The following CILK1 variants were observed in gnomAD, a reference collection of about 807,000 sequenced individuals.
CILK1 encodes ciliogenesis associated kinase 1, also known as serine/threonine-protein kinase ICK.
CILK1 carries 47 observed loss-of-function variants against 79.2 expected under a neutral mutation model. That is an observed-to-expected ratio of 0.59 (90% CI 0.47 to 0.76). The LOEUF is 0.76. CILK1 is among the 30% of genes least tolerant of loss of function. CILK1 has a pLI of 0.00. For missense variants in CILK1, 660 were observed against 769.5 expected (o/e 0.86, Z 1.68); for synonymous variants, 266 against 275.9 (o/e 0.96, Z 0.36).
Position 53,011,777 on chromosome 6 carries a change from T to C in CILK1, c.1484A>G (p.Tyr495Cys), listed in dbSNP as rs1428486053. The C allele has an allele frequency of 6.2e-7, 1 of 1,614,018 alleles. No homozygotes were observed. Among genetic ancestry groups the C allele is most frequent in the Admixed American group, 1.7e-5 (1 of 60,016 alleles). The change falls in exon 11 of 14, where the codon TAC becomes TGC. Residue 495 changes from tyrosine (Y) to cysteine (C), a missense_variant. Tyr to Cys is a radical substitution (Grantham distance 194). Transcript: ENST00000676107. ...AKQHYLKHSR[Y>C]LPGISIRNGI... ...CAAGTCATTTATATTACCAGGCAAGTATCGAGAGTGCTTCAAATAGTGCTG... is the reference window on the plus strand; with the variant it reads ...CAAGTCATTTATATTACCAGGCAAGCATCGAGAGTGCTTCAAATAGTGCTG...
At chr6:53,038,571 C>A (rs1341634321) in intron 2 of CILK1, among the ~76,000 whole-genome samples, 1 of 152,188 alleles carries the variant, frequency 6.6e-6, no homozygotes, top group Non-Finnish European at 1.5e-5. Context: ...TTCTGTACAG[C>A]CCACGAGCTA....
Position 53,004,943 on chromosome 6 carries a change from T to C in CILK1, c.*206A>G. The C allele has an allele frequency of 2.0e-6, 1 of 512,578 alleles. No homozygotes were observed. The highest frequency in any genetic ancestry group is 3.0e-5 in the South Asian group (1 of 33,524). The allele number at this position is 512,578 out of a possible 1,614,324, so 31.8% of individuals were successfully genotyped here. A position where few individuals can be genotyped will look rare whatever the true frequency, so the allele number is the denominator to read the frequency against. ...GACCCAGTTTTAGAATAAAATAATT[T>C]TATACAAAAAAGCCTACTGCATTCA... On this transcript the variant is annotated 3_prime_UTR_variant, in exon 14 of 14. Transcript: ENST00000676107.
chr6:53,037,448 C>T (rs547746032), intron 3 of CILK1, among the ~76,000 whole-genome samples: 32 of 152,206 alleles, frequency 2.1e-4, no homozygotes, highest in Admixed American at 1.2e-3. Flanking sequence ...CCTTTCTACC[C>T]GCTTCTGCCT....
At chr6:53,027,572 A>G (rs1031681775) in intron 5 of CILK1, among the ~76,000 whole-genome samples, 1 of 152,250 alleles carries the variant, frequency 6.6e-6, no homozygotes, top group Non-Finnish European at 1.5e-5. Context: ...CCTGAAATTT[A>G]CATGACTAAT....
In CILK1 at chr6:53,010,798, A is replaced by G. The variant is rs1266494031; in HGVS notation, c.1492+971T>C. Among the ~76,000 whole-genome samples the G allele has an allele frequency of 3.3e-5, 5 of 152,190 alleles. No individual in the cohort carries two copies. In the South Asian group the frequency reaches 1.0e-3, roughly 32 times the overall value. On this transcript the variant is annotated intron_variant, in intron 11 of 13. Transcript: ENST00000676107. ...TACAATCTGTGATTACTATTTGTCT[A>G]TTTGTTAAAGTCTCTCTCCCACCAC... is the stretch of plus-strand genomic sequence containing the variant.
At chr6:53,006,626 G>A (rs1451048297) in intron 12 of CILK1, among the ~76,000 whole-genome samples, 189 bp from the exon 13 acceptor site, 1 of 152,210 alleles carries the variant, frequency 6.6e-6, no homozygotes, top group African/African-American at 2.4e-5. Context: ...GACTGCGGGG[G>A]CCAAAGACAG....
intron 4 of CILK1, 73 bp from the exon 5 acceptor site, chr6:53,031,217 C>T (rs1458153879): frequency 1.1e-6 from 1 of 939,146 alleles, no homozygotes; most frequent in Non-Finnish European, 1.7e-6. Context: ...TAAAGAATAC[C>T]ATTTGTCCAT....
chr6:53,047,019 C>T (rs973873375), intron 1 of CILK1, among the ~76,000 whole-genome samples: 6 of 152,198 alleles, frequency 3.9e-5, no homozygotes, highest in Admixed American at 3.9e-4. Flanking sequence ...AGAGGGCAGG[C>T]ACAGCCTAAT....
Position 53,016,248 on chromosome 6 carries a change from A to T in CILK1, c.666T>A (p.Thr222=), listed in dbSNP as rs139739780. The change falls in exon 8 of 14, where the codon ACT becomes ACA. Residue 222 remains threonine (T), a splice_region_variant and synonymous_variant. Transcript: ENST00000676107. ...ICQVLGTPKK[T]DWPEGYQLSS... is the part of the protein sequence containing the mutation. ...AAAGTTGATAGCCTTCAGGCCAGTC[A>T]GTCTGAAAGAAGGAAAAGATAGAAA... The T allele has an allele frequency of 2.5e-6, 4 of 1,614,054 alleles. No homozygotes were observed. In the East Asian group the frequency reaches 8.9e-5, roughly 36 times the overall value.
At position 53,038,858 on chromosome 6, in the gene CILK1, A is replaced by G. The variant is rs553098778; in HGVS notation, c.102-865T>C. 4.7e-4 allele frequency among the ~76,000 whole-genome samples: 72 copies of G among 152,336 alleles called. 1 individual carries two copies. In the Middle Eastern group the frequency reaches 0.017, roughly 36 times the overall value. Reference sequence around the variant, plus strand: ...TGCCAACCCCTGGTCTAGAGCCTCAATGGAGAAAAGAAAACTCCAGAGTTA... The same window carrying G: ...TGCCAACCCCTGGTCTAGAGCCTCAGTGGAGAAAAGAAAACTCCAGAGTTA... On this transcript the variant is annotated intron_variant, in intron 2 of 13. Coordinates refer to ENST00000676107, the MANE Select transcript of CILK1 (RefSeq NM_014920.5).
intron 11 of CILK1, among the ~76,000 whole-genome samples, chr6:53,009,983 C>A (rs1764470277): frequency 6.6e-6 from 1 of 152,216 alleles, no homozygotes; most frequent in African/African-American, 2.4e-5. Context: ...CATCTTCTCA[C>A]CCGACCTGGA....
rs373786955 is a variant in CILK1, at chr6:53,024,687, A to G, written c.359-5328T>C. 7.2e-5 allele frequency among the ~76,000 whole-genome samples: 11 copies of G among 152,354 alleles called. No individual in the cohort carries two copies. The East Asian group carries it at 1.7e-3, about 24-fold the overall frequency. On this transcript the variant is annotated intron_variant, in intron 5 of 13. Coordinates refer to ENST00000676107, the MANE Select transcript of CILK1 (RefSeq NM_014920.5). ...ATTCCAGTGAAAAAAAGGAATGGCA[A>G]GCATCATTTTCTTACTCCACAGATG...
chr6:53,011,913 C>T lies in CILK1; in HGVS notation c.1348G>A (p.Glu450Lys). ...RQSDDTLCRFESVLDLKPSEP... is the reference protein window; with the variant it reads ...RQSDDTLCRFKSVLDLKPSEP... ...GAGGGCTTCAGGTCCAAAACACTCTCAAACCTGAATGAAGAGAGCATGGCT... is the reference window on the plus strand; with the variant it reads ...GAGGGCTTCAGGTCCAAAACACTCTTAAACCTGAATGAAGAGAGCATGGCT... Residue 450 changes from glutamate (E) to lysine (K), a missense_variant, in exon 11 of 14, where the codon GAG becomes AAG. Transcript: ENST00000676107. The T allele has an allele frequency of 6.2e-7, 1 of 1,614,154 alleles. No individual in the cohort carries two copies. Among genetic ancestry groups the T allele is most frequent in the Non-Finnish European group, 8.5e-7 (1 of 1,180,030 alleles).
At chr6:53,016,686 G>T (rs1479587151) in intron 7 of CILK1, among the ~76,000 whole-genome samples, 2 of 152,192 alleles carry the variant, frequency 1.3e-5, no homozygotes, top group Non-Finnish European at 2.9e-5. Flanking sequence ...CTTCAACTTG[G>T]TGATTGAAAG....
At chr6:53,006,602 T>C (rs1581934879) in intron 12 of CILK1, among the ~76,000 whole-genome samples, 165 bp from the exon 13 acceptor site, 4 of 152,214 alleles carry the variant, frequency 2.6e-5, no homozygotes, top group African/African-American at 9.6e-5. Context: ...CCCACCATAC[T>C]ACCCTGTCAG....
chr6:53,013,395 C>G (rs543173305), intron 9 of CILK1, among the ~76,000 whole-genome samples: 6 of 152,174 alleles, frequency 3.9e-5, no homozygotes, highest in Non-Finnish European at 8.8e-5. Context: ...AGATTTGAGC[C>G]CCTGGCAGTC....
chr6:53,026,422 T>C (rs1449363916), intron 5 of CILK1, among the ~76,000 whole-genome samples: 1 of 152,196 alleles, frequency 6.6e-6, no homozygotes, highest in Non-Finnish European at 1.5e-5. Flanking sequence ...GTGCTGGGAT[T>C]ACAGGCATGA....
At chr6:53,050,915 G>C (rs1367400228) in intron 1 of CILK1, among the ~76,000 whole-genome samples, 2 of 152,166 alleles carry the variant, frequency 1.3e-5, no homozygotes, top group African/African-American at 2.4e-5. Flanking sequence ...AGACACTTAA[G>C]TGTCAACAAA....
chr6:53,060,565 C>T (rs924168098), intron 1 of CILK1, among the ~76,000 whole-genome samples: 6 of 152,214 alleles, frequency 3.9e-5, no homozygotes, highest in Admixed American at 3.9e-4. Flanking sequence ...ACATCTACTT[C>T]TAGTGTTTTA....
Sources: gnomAD v4.1 joint callset for allele counts (sites outside exome capture counted in the v4.1 genomes callset) on GRCh38, gnomAD v4.1.1 for gene constraint, MANE v1.5 for transcripts, NCBI Gene and HGNC (gene_info 2026-07-23, HGNC 2026-07-21) for gene names.